LIPC: variants seen among roughly 807,000 people sequenced by gnomAD.
The protein encoded by LIPC is lipase C, hepatic type, also known as hepatic triacylglycerol lipase.
In LIPC, 44 loss-of-function variants were observed where a neutral mutation model predicts 50.7. The observed-to-expected ratio is 0.87, with a 90% CI of 0.68 to 1.11. The LOEUF (loss-of-function observed/expected upper bound fraction) is 1.11, where lower values mean the gene tolerates loss of function less well. LIPC is among the 50% of genes most tolerant of loss of function. The pLI, the probability that LIPC is intolerant of heterozygous loss-of-function variation, is 0.00. For missense variants in LIPC, 697 were observed against 648.2 expected (o/e 1.08, Z -0.82); for synonymous variants, 271 against 256.4 (o/e 1.06, Z -0.54).
chr15:58,489,043 T>C (rs1180138875), intron 1 of LIPC, among the ~76,000 whole-genome samples: 2 of 151,968 alleles, frequency 1.3e-5, no homozygotes, highest in African/African-American at 4.8e-5. Context: ...GCAAAAATAA[T>C]TGTGGTTCTC....
intron 8 of LIPC, among the ~76,000 whole-genome samples, chr15:58,567,265 A>ATGTG (rs113085870): frequency 0.084 from 9,894 of 118,248 alleles, 560 homozygotes; most frequent in East Asian, 0.26. Context: ...ATATATGTAT[A>ATGTG]TGTGTGTGTG....
chr15:58,548,750 G>A (rs191040097), intron 6 of LIPC, among the ~76,000 whole-genome samples, 178 bp downstream of exon 6: 2 of 152,344 alleles, frequency 1.3e-5, no homozygotes, highest in Admixed American at 6.5e-5. Flanking sequence ...TCCCAAGAGT[G>A]TGGCCACCTT....
chr15:58,505,944 G>A (rs546617640), intron 1 of LIPC, among the ~76,000 whole-genome samples: 15 of 152,300 alleles, frequency 9.8e-5, no homozygotes, highest in East Asian at 1.9e-4. Context: ...CACAAGAGGC[G>A]GCTGTTGCCT....
intron 1 of LIPC, among the ~76,000 whole-genome samples, chr15:58,464,846 A>C (rs1477420667): frequency 2.6e-5 from 4 of 152,112 alleles, no homozygotes; most frequent in African/African-American, 7.2e-5. Flanking sequence ...GGTGGTGTGC[A>C]CCTGTAGTCC....
At chr15:58,438,246 G>T (rs967249187) in intron 1 of LIPC, among the ~76,000 whole-genome samples, 1 of 152,180 alleles carries the variant, frequency 6.6e-6, no homozygotes, top group Non-Finnish European at 1.5e-5. Context: ...GGCAGAAAGA[G>T]GCTGGGCCCC....
chr15:58,467,088 C>T (rs1313893515), intron 1 of LIPC, among the ~76,000 whole-genome samples: 5 of 152,108 alleles, frequency 3.3e-5, no homozygotes, highest in African/African-American at 1.2e-4. Context: ...TCATCAGATT[C>T]TGATAGTTTC....
At chr15:58,509,603 T>A (rs775254682) in intron 1 of LIPC, among the ~76,000 whole-genome samples, 1 of 151,096 alleles carries the variant, frequency 6.6e-6, no homozygotes, top group South Asian at 2.1e-4. Context: ...CAATCTTTAT[T>A]CTTTTTTTTA....
At chr15:58,511,207 T>A (rs1193915006) in intron 1 of LIPC, among the ~76,000 whole-genome samples, 2 of 152,196 alleles carry the variant, frequency 1.3e-5, no homozygotes, top group Non-Finnish European at 2.9e-5. Context: ...TGTGTAATTC[T>A]GGCATGTTTC....
intron 7 of LIPC, among the ~76,000 whole-genome samples, chr15:58,561,477 AAG>A (rs1307577993): frequency 6.6e-6 from 1 of 152,200 alleles, no homozygotes; most frequent in African/African-American, 2.4e-5. Flanking sequence ...TATTATGCAG[AAG>A]AAGCCTCCAG....
intron 1 of LIPC, among the ~76,000 whole-genome samples, chr15:58,482,469 T>C (rs746239705): frequency 2.0e-5 from 3 of 152,184 alleles, no homozygotes; most frequent in Non-Finnish European, 4.4e-5. Flanking sequence ...TCTTCAATAG[T>C]TGACCTAACC....
intron 8 of LIPC, chr15:58,566,461 C>T: frequency 1.0e-6 from 1 of 984,924 alleles, no homozygotes; most frequent in Non-Finnish European, 1.2e-6. Context: ...ATATACATTT[C>T]ATGAGACTAA....
At chr15:58,521,110 C>T (rs1892639180) in intron 1 of LIPC, among the ~76,000 whole-genome samples, 1 of 152,100 alleles carries the variant, frequency 6.6e-6, no homozygotes, top group South Asian at 2.1e-4. Flanking sequence ...GCCAGTGGCT[C>T]CTGACCATAG....
At chr15:58,443,441 A>G (rs1246743692) in intron 1 of LIPC, among the ~76,000 whole-genome samples, 1 of 152,202 alleles carries the variant, frequency 6.6e-6, no homozygotes, top group Non-Finnish European at 1.5e-5. Context: ...CACAGATGTG[A>G]GCACAAACCC....
At chr15:58,444,988 T>A (rs1368244109) in intron 1 of LIPC, among the ~76,000 whole-genome samples, 2 of 152,146 alleles carry the variant, frequency 1.3e-5, no homozygotes, top group South Asian at 4.1e-4. Context: ...TGAAAGTGAG[T>A]AGTAAGTCCA....
At chr15:58,477,809 C>T (rs1891049195) in intron 1 of LIPC, among the ~76,000 whole-genome samples, 1 of 152,088 alleles carries the variant, frequency 6.6e-6, no homozygotes, top group Admixed American at 6.6e-5. Context: ...GAAGCCAGGC[C>T]TCAATAGATG....
intron 8 of LIPC, chr15:58,566,466 G>A (rs1349971240): frequency 2.0e-6 from 2 of 984,884 alleles, no homozygotes; most frequent in East Asian, 1.1e-4. Context: ...CATTTCATGA[G>A]ACTAATAACA....
rs74019113 is a variant in LIPC, at chr15:58,509,147, C to A, written c.89-29186C>A. Among the ~76,000 whole-genome samples the A allele has an allele frequency of 2.7e-3, 406 of 152,330 alleles. 2 individuals carry two copies. The highest frequency in any genetic ancestry group is 9.3e-3 in the African/African-American group (387 of 41,578). On this transcript the variant is annotated intron_variant, in intron 1 of 8. Transcript: ENST00000299022. ...GTTATTGTACCCAAATCCACACATTCTCCTCAGTGTTGTCTGGGAAATACA... is the reference window on the plus strand; with the variant it reads ...GTTATTGTACCCAAATCCACACATTATCCTCAGTGTTGTCTGGGAAATACA...
chr15:58,443,101 C>T (rs115251945), intron 1 of LIPC, among the ~76,000 whole-genome samples: 29 of 152,184 alleles, frequency 1.9e-4, no homozygotes, highest in African/African-American at 6.5e-4. Context: ...TTAGTTTAGT[C>T]GGGGTTTCTC....
intron 1 of LIPC, chr15:58,523,135 A>G (rs564277943): frequency 1.3e-5 from 2 of 152,460 alleles, no homozygotes; most frequent in South Asian, 2.1e-4. Flanking sequence ...GGGCACCTCT[A>G]TGTTCCAGCA....
Sources: gnomAD v4.1 joint callset for allele counts (sites outside exome capture counted in the v4.1 genomes callset) on GRCh38, gnomAD v4.1.1 for gene constraint, MANE v1.5 for transcripts, NCBI Gene and HGNC (gene_info 2026-07-23, HGNC 2026-07-21) for gene names.